GALNT14: variants seen among roughly 807,000 people sequenced by gnomAD.
GALNT14 encodes the protein UDP-GalNAc:polypeptide N-acetylgalactosaminyltransferase 14.
In GALNT14, 60 loss-of-function variants were observed where a neutral mutation model predicts 77.5. The observed-to-expected ratio is 0.77, with a 90% CI of 0.63 to 0.96. The LOEUF is 0.96. GALNT14 is among the 40% of genes least tolerant of loss of function. GALNT14 has a pLI of 0.00. For missense variants in GALNT14, 710 were observed against 731.0 expected, an observed-to-expected ratio of 0.97 and a Z score of 0.33; for synonymous variants, 280 against 281.7, an observed-to-expected ratio of 0.99 and a Z score of 0.06.
At chr2:30,986,384 C>A (rs972520963) in intron 2 of GALNT14, among the ~76,000 whole-genome samples, 1 of 152,138 alleles carries the variant, frequency 6.6e-6, no homozygotes, top group African/African-American at 2.4e-5. Context: ...TCAAAATATT[C>A]CCTCCCTCCT....
chr2:31,090,216 G>A (rs1676659591), intron 1 of GALNT14, among the ~76,000 whole-genome samples: 1 of 152,076 alleles, frequency 6.6e-6, no homozygotes, highest in Non-Finnish European at 1.5e-5. Context: ...CTGGGTGAGG[G>A]CCCCCTCTTC....
chr2:30,942,694 T>C (rs1229017361), intron 8 of GALNT14, among the ~76,000 whole-genome samples: 1 of 152,182 alleles, frequency 6.6e-6, no homozygotes, highest in Non-Finnish European at 1.5e-5. Flanking sequence ...GCTCTGTTAC[T>C]GGGAGAAGGG....
chr2:31,012,096 G>C (rs1671067834), intron 1 of GALNT14, among the ~76,000 whole-genome samples: 1 of 152,216 alleles, frequency 6.6e-6, no homozygotes, highest in African/African-American at 2.4e-5. Context: ...TCTCTTTGCA[G>C]AGCCGACCAA....
At chr2:30,908,742 C>G (rs1664213247), downstream of GALNT14, among the ~76,000 whole-genome samples, 1 of 121,694 alleles carries the variant, frequency 8.2e-6, no homozygotes, top group Admixed American at 8.5e-5. Flanking sequence ...AAAGAGCCCG[C>G]ATCGCCAAGT....
At chr2:30,939,150 G>C (rs1403547814) in intron 9 of GALNT14, among the ~76,000 whole-genome samples, 2 of 152,206 alleles carry the variant, frequency 1.3e-5, no homozygotes, top group Non-Finnish European at 2.9e-5. Context: ...AGGAGCCCCA[G>C]GTTTGGTAGA....
chr2:30,893,739 T>G, the GALNT14 span, among the ~76,000 whole-genome samples: 1 of 151,670 alleles, frequency 6.6e-6, no homozygotes, highest in Non-Finnish European at 1.5e-5. Flanking sequence ...GATTTCTATA[T>G]GTAAGCATCA....
the GALNT14 span, among the ~76,000 whole-genome samples, chr2:30,898,786 G>C: frequency 6.6e-6 from 1 of 152,180 alleles, no homozygotes; most frequent in Non-Finnish European, 1.5e-5. Context: ...GGGAGGCAAA[G>C]TGAGGGATCA....
At chr2:31,031,566 C>A (rs1203020064) in intron 1 of GALNT14, among the ~76,000 whole-genome samples, 1 of 152,168 alleles carries the variant, frequency 6.6e-6, no homozygotes, top group South Asian at 2.1e-4. Context: ...CCTCTGCTTA[C>A]TTTGCTCACC....
At chr2:31,076,772 T>C (rs1675824292) in intron 1 of GALNT14, among the ~76,000 whole-genome samples, 9 of 152,086 alleles carry the variant, frequency 5.9e-5, no homozygotes, top group Admixed American at 5.9e-4. Context: ...AATGATATGA[T>C]TTGTCACCCA....
chr2:30,958,292 G>T, intron 4 of GALNT14, 105 bp downstream of exon 4: 1 of 937,480 alleles, frequency 1.1e-6, no homozygotes, highest in South Asian at 1.5e-5. Flanking sequence ...TACAAACCTG[G>T]GCTTTTCCCC....
chr2:31,066,246 C>A (rs1419488370), intron 1 of GALNT14, among the ~76,000 whole-genome samples: 1 of 152,202 alleles, frequency 6.6e-6, no homozygotes, highest in Non-Finnish European at 1.5e-5. Flanking sequence ...CCCCCAGAGG[C>A]CAGGGCATTA....
chr2:31,002,430 A>C (rs1055468447), intron 1 of GALNT14, among the ~76,000 whole-genome samples: 2 of 104,878 alleles, frequency 1.9e-5, no homozygotes, highest in African/African-American at 6.3e-5. Context: ...ACTCCATTTC[A>C]AAAAAAAAAA....
chr2:31,089,220 G>A (rs1023286979), intron 1 of GALNT14, among the ~76,000 whole-genome samples: 5 of 152,114 alleles, frequency 3.3e-5, no homozygotes, highest in Non-Finnish European at 5.9e-5. Context: ...TGGGACATCT[G>A]ATTAGCTCGT....
At chr2:30,902,187 G>C in the GALNT14 span, among the ~76,000 whole-genome samples, 2 of 152,060 alleles carry the variant, frequency 1.3e-5, no homozygotes, top group Non-Finnish European at 2.9e-5. Context: ...CCCATCCAGT[G>C]ATTGTCAGCT....
chr2:31,131,415 G>A (rs1678989334), intron 1 of GALNT14, among the ~76,000 whole-genome samples: 2 of 152,194 alleles, frequency 1.3e-5, no homozygotes, highest in Non-Finnish European at 2.9e-5. Context: ...GGTCTCTGGG[G>A]TGGAATATTC....
At chr2:30,989,594 AT>A (rs1558471223) in intron 2 of GALNT14, among the ~76,000 whole-genome samples, 54 of 128,862 alleles carry the variant, frequency 4.2e-4, no homozygotes, top group South Asian at 9.8e-4. Flanking sequence ...AAATATATAT[AT>A]TAGTAGATAT....
intron 1 of GALNT14, among the ~76,000 whole-genome samples, chr2:31,057,494 G>A (rs963696929): frequency 1.3e-5 from 2 of 149,852 alleles, no homozygotes; most frequent in Non-Finnish European, 3.0e-5. Context: ...GCTGGGCCAA[G>A]CCTGGGAGAC....
chr2:30,903,807 C>A, the GALNT14 span, among the ~76,000 whole-genome samples: 22 of 152,220 alleles, frequency 1.4e-4, no homozygotes, highest in South Asian at 8.3e-4. Flanking sequence ...GATAACAAAG[C>A]CAATTACCAA....
At chr2:31,130,781 T>TGCGCGCGC (rs1353124199) in intron 1 of GALNT14, among the ~76,000 whole-genome samples, 4 of 124,150 alleles carry the variant, frequency 3.2e-5, no homozygotes, top group Non-Finnish European at 4.9e-5. Context: ...TGTGTGTGTG[T>TGCGCGCGC]GTGCGCGCGC....
Sources: allele counts gnomAD v4.1 joint callset (sites outside exome capture counted in the v4.1 genomes callset), GRCh38; gene constraint gnomAD v4.1.1; transcripts MANE v1.5; gene names NCBI Gene and HGNC (gene_info 2026-07-23, HGNC 2026-07-21).